RAB27B: variants seen among roughly 807,000 people sequenced by gnomAD.
RAB27B encodes ras-related protein Rab-27B.
RAB27B carries 15 observed loss-of-function variants against 24.6 expected under a neutral mutation model. That is an observed-to-expected ratio of 0.61 (90% CI 0.41 to 0.94). The LOEUF (loss-of-function observed/expected upper bound fraction) is 0.94. Among genes scored for constraint, RAB27B ranks in the 40% least tolerant of loss-of-function variants. The pLI is 0.00. For missense variants in RAB27B, 261 were observed against 266.8 expected (o/e 0.98, Z 0.15); for synonymous variants, 105 against 92.5 (o/e 1.14, Z -0.78).
At chr18:54,871,933 G>A (rs1037318165) in intron 1 of RAB27B, among the ~76,000 whole-genome samples, 6 of 152,064 alleles carry the variant, frequency 3.9e-5, no homozygotes, top group African/African-American at 1.4e-4. Context: ...GCTTGTCAAG[G>A]CATTCTTGAG....
At chr18:54,763,882 A>G (rs1390457490) in intron 2 of RAB27B, among the ~76,000 whole-genome samples, 1 of 152,074 alleles carries the variant, frequency 6.6e-6, no homozygotes, top group Non-Finnish European at 1.5e-5. Context: ...CCTGGTTTTC[A>G]ACTCTTGGTT....
rs966402682 is a variant in RAB27B, at chr18:54,891,445, T to C, written c.*2032T>C. The C allele has an allele frequency of 2.6e-5, 4 of 152,196 alleles. No homozygotes were observed. The highest frequency in any genetic ancestry group is 1.9e-4 in the East Asian group (1 of 5,172). 9.4% of individuals were successfully genotyped at this position (152,196 alleles called of 1,614,324 possible). A position where few individuals can be genotyped will look rare whatever the true frequency, so the allele number is the denominator to read the frequency against. The stretch of plus-strand genomic sequence containing the variant: ...TATCTCAATGCCTGTGCCATGAAGA[T>C]AGAAAACTGTAAGCTAACATTTAAG... On this transcript the variant is annotated 3_prime_UTR_variant, in exon 6 of 6. Transcript: ENST00000262094.
rs960831243 is a variant in RAB27B, at chr18:54,892,907, C to A, written c.*3494C>A. The A allele has an allele frequency of 5.9e-5, 9 of 151,984 alleles. No homozygotes were observed. The highest frequency in any genetic ancestry group is 1.9e-4 in the African/African-American group (8 of 41,422). 9.4% of individuals were successfully genotyped at this position (151,984 alleles called of 1,614,324 possible). On this transcript the variant is annotated 3_prime_UTR_variant, in exon 6 of 6. Transcript: ENST00000262094. Reference sequence around the variant, plus strand: ...GTTTTAATCAGCCTTTTCTTGTCCCCTTTGTAAGAAAGAGATGCTTGCCAT... The same window carrying A: ...GTTTTAATCAGCCTTTTCTTGTCCCATTTGTAAGAAAGAGATGCTTGCCAT...
At chr18:54,844,408 C>CTTTTTTTT (rs148747981) in intron 1 of RAB27B, among the ~76,000 whole-genome samples, 456 of 107,768 alleles carry the variant, frequency 4.2e-3, no homozygotes, top group African/African-American at 5.7e-3. Flanking sequence ...CTTTTCTTTT[C>CTTTTTTTT]TTTTTTTTTT....
chr18:54,748,306 G>A (rs995182265), intron 2 of RAB27B, among the ~76,000 whole-genome samples: 9 of 152,190 alleles, frequency 5.9e-5, no homozygotes, highest in Non-Finnish European at 1.3e-4. Context: ...GATTATTGTC[G>A]GAATTTGATG....
intron 5 of RAB27B, 94 bp downstream of exon 5, chr18:54,888,212 T>C: frequency 7.1e-7 from 1 of 1,413,796 alleles, no homozygotes; most frequent in Non-Finnish European, 9.6e-7. Context: ...GAAATCCCCT[T>C]AACCAAGAAC....
chr18:54,767,042 T>C (rs776065175), intron 2 of RAB27B, among the ~76,000 whole-genome samples: 1 of 152,154 alleles, frequency 6.6e-6, no homozygotes, highest in Non-Finnish European at 1.5e-5. Context: ...AAGTTTGTGA[T>C]TGATCACAAA....
chr18:54,814,799 G>A (rs1182423233), intron 2 of RAB27B, among the ~76,000 whole-genome samples: 1 of 152,138 alleles, frequency 6.6e-6, no homozygotes, highest in African/African-American at 2.4e-5. Context: ...TCAGTTACTT[G>A]AGTATATATA....
intron 2 of RAB27B, among the ~76,000 whole-genome samples, chr18:54,737,629 C>A (rs186570592): frequency 6.6e-6 from 1 of 152,162 alleles, no homozygotes; most frequent in Non-Finnish European, 1.5e-5. Flanking sequence ...GCACTTACTG[C>A]AGTGCCTGGC....
At chr18:54,797,157 A>ATG (rs978918885) in intron 2 of RAB27B, among the ~76,000 whole-genome samples, 1 of 152,044 alleles carries the variant, frequency 6.6e-6, no homozygotes, top group African/African-American at 2.4e-5. Flanking sequence ...TTGAGTGCAA[A>ATG]TGTGTGCACA....
chr18:54,791,539 C>CT (rs1332564845), intron 2 of RAB27B, among the ~76,000 whole-genome samples: 4 of 152,132 alleles, frequency 2.6e-5, no homozygotes, highest in African/African-American at 9.7e-5. Flanking sequence ...AGTGTGATCC[C>CT]TTTAAATGAT....
At chr18:54,835,463 C>T (rs1176773387) in intron 1 of RAB27B, among the ~76,000 whole-genome samples, 1 of 151,950 alleles carries the variant, frequency 6.6e-6, no homozygotes, top group East Asian at 1.9e-4. Context: ...TGATCTTAAT[C>T]TTCCTAAGGT....
chr18:54,812,109 A>G (rs1016729374), intron 2 of RAB27B, among the ~76,000 whole-genome samples: 3 of 152,114 alleles, frequency 2.0e-5, no homozygotes, highest in Non-Finnish European at 4.4e-5. Context: ...TTCTCTTGCT[A>G]TTGTCTTTAT....
intron 2 of RAB27B, among the ~76,000 whole-genome samples, chr18:54,722,024 G>T (rs1909375458): frequency 6.6e-6 from 1 of 152,144 alleles, no homozygotes; most frequent in Non-Finnish European, 1.5e-5. Flanking sequence ...TTCATAAAAC[G>T]TTATAGAATT....
At chr18:54,751,908 C>A (rs941305913) in intron 2 of RAB27B, among the ~76,000 whole-genome samples, 12 of 152,082 alleles carry the variant, frequency 7.9e-5, no homozygotes, top group Admixed American at 2.0e-4. Context: ...ATAAAAATTT[C>A]TCTGGTTATC....
At chr18:54,737,066 C>T (rs1194046266) in intron 2 of RAB27B, among the ~76,000 whole-genome samples, 2 of 152,016 alleles carry the variant, frequency 1.3e-5, no homozygotes, top group Non-Finnish European at 2.9e-5. Context: ...ATAAGTAAAC[C>T]ACCTCCAAAT....
intron 1 of RAB27B, among the ~76,000 whole-genome samples, chr18:54,876,331 A>G (rs569765204): frequency 2.3e-4 from 35 of 152,334 alleles, no homozygotes; most frequent in Non-Finnish European, 2.9e-5. Flanking sequence ...AAGCCTAACC[A>G]TATCATGTCC....
chr18:54,860,309 T>A (rs1034017917), intron 1 of RAB27B, among the ~76,000 whole-genome samples: 1 of 152,178 alleles, frequency 6.6e-6, no homozygotes, highest in African/African-American at 2.4e-5. Context: ...CCTCTTTCCA[T>A]GATACCATTG....
At chr18:54,858,662 G>T (rs1456486680) in intron 1 of RAB27B, among the ~76,000 whole-genome samples, 3 of 152,156 alleles carry the variant, frequency 2.0e-5, no homozygotes, top group African/African-American at 7.2e-5. Context: ...TTACAGGCGT[G>T]AGCCACTGTG....
Sources: gnomAD v4.1 joint callset for allele counts (sites outside exome capture counted in the v4.1 genomes callset) on GRCh38, gnomAD v4.1.1 for gene constraint, MANE v1.5 for transcripts, NCBI Gene and HGNC (gene_info 2026-07-23, HGNC 2026-07-21) for gene names.